Variants in GET4 observed in about 807,000 individuals in gnomAD.
GET4 encodes the protein Golgi to ER traffic protein 4 homolog.
A neutral mutation model predicts 40.0 loss-of-function variants in GET4; 20 were observed. That is an observed-to-expected ratio of 0.50 (90% CI 0.35 to 0.73). GET4 has a LOEUF of 0.73. GET4 is among the 30% of genes least tolerant of loss of function. The pLI, the probability that GET4 is intolerant of heterozygous loss-of-function variation, is 0.01. For synonymous variants in GET4, 280 were observed against 194.6 expected (o/e 1.44, Z -3.65); for missense variants, 557 against 454.0 (o/e 1.23, Z -2.06).
At position 876,727 on chromosome 7, in the gene GET4, G is replaced by A. The variant is rs749222913; in HGVS notation, c.82G>A (p.Gly28Ser). 19 of 1,379,364 alleles carry A rather than the reference G, an allele frequency of 1.4e-5. No homozygotes were observed. The highest frequency in any genetic ancestry group is 1.2e-4 in the South Asian group (8 of 68,164). The allele number at this position is 1,379,364 out of a possible 1,614,324, so 85.4% of individuals were successfully genotyped here. Residue 28 changes from glycine (G) to serine (S), a missense_variant, in exon 1 of 9, where the codon GGC (glycine) becomes AGC (serine). Physicochemically the swap from Gly to Ser is moderately conservative, Grantham distance 56 (BLOSUM62 0). Coordinates refer to ENST00000265857, the MANE Select transcript of GET4 (RefSeq NM_015949.3). ...RNRGGVQRVE[G>S]KLRASVEKGD... ...CCGCGGCGGCGTCCAGCGTGTGGAG[G>A]GCAAGCTGCGCGCCAGCGTCGAGAA... is the stretch of plus-strand genomic sequence containing the variant.
Position 876,719 on chromosome 7 carries a change from G to A in GET4, c.74G>A (p.Arg25His). 4 of 1,375,700 alleles carry A rather than the reference G, an allele frequency of 2.9e-6. No individual in the cohort carries two copies. The highest frequency in any genetic ancestry group is 3.5e-5 in the East Asian group (1 of 28,534). The allele number at this position is 1,375,700 out of a possible 1,614,324, so 85.2% of individuals were successfully genotyped here. A position where few individuals can be genotyped will look rare whatever the true frequency, so the allele number is the denominator to read the frequency against. Residue 25 changes from arginine (R) to histidine (H), a missense_variant, in exon 1 of 9, where the codon CGT becomes CAT. Physicochemically the swap from Arg to His is conservative, Grantham distance 29. Coordinates refer to ENST00000265857, the MANE Select transcript of GET4 (RefSeq NM_015949.3). ...NGGRNRGGVQ[R>H]VEGKLRASVE... ...GGCCGCAACCGCGGCGGCGTCCAGC[G>A]TGTGGAGGGCAAGCTGCGCGCCAGC...
At chr7:883,625 C>T (rs1844129050) in intron 1 of GET4, 1 of 985,472 alleles carries the variant, frequency 1.0e-6, no homozygotes, top group Non-Finnish European at 1.2e-6. Flanking sequence ...ATCTGGAAGG[C>T]ACGTCTGGGT....
At chr7:882,625 G>A (rs1052004013) in intron 1 of GET4, 7 of 152,010 alleles carry the variant, frequency 4.6e-5, no homozygotes, top group African/African-American at 1.2e-4. Context: ...GGGATGGCGC[G>A]GGTTGTGGGC....
rs767796022 is a variant in GET4, at chr7:887,352, G to A, written c.317-18G>A. The A allele has an allele frequency of 2.5e-6, 4 of 1,574,560 alleles. No individual in the cohort carries two copies. On this transcript the variant is annotated intron_variant, in intron 3 of 8. Transcript: ENST00000265857. ...AGTGGCCGTGCGTTCCTCTGATGAG[G>A]GTCTGTGCTGTTTGCAGAAAATCTG... is the stretch of plus-strand genomic sequence containing the variant.
At position 886,613 on chromosome 7, in the gene GET4, G is replaced by A. The variant is rs771017190; in HGVS notation, c.279G>A (p.Leu93=). The stretch of plus-strand genomic sequence containing the variant: ...TGTCCATGCTGGTCCTGGAGTCCCT[G>A]GAGAAGGCGGAAGTGGAGGTGGCTG... ...ADLSMLVLES[L]EKAEVEVADE... is the part of the protein sequence containing the mutation. Residue 93 remains leucine (L), a synonymous_variant, in exon 3 of 9, where the codon CTG becomes CTA. Coordinates refer to ENST00000265857, the MANE Select transcript of GET4 (RefSeq NM_015949.3). 1 of 1,613,262 alleles carries A rather than the reference G, an allele frequency of 6.2e-7. No individual in the cohort carries two copies. The highest frequency in any genetic ancestry group is 1.7e-5 in the Admixed American group (1 of 60,026).
chr7:882,902 G>C (rs1480202964), intron 1 of GET4: 4 of 149,400 alleles, frequency 2.7e-5, no homozygotes, highest in African/African-American at 9.7e-5. Flanking sequence ...ACCTGCAGCA[G>C]CTGTCCCCCT....
At chr7:894,770 C>T (rs78812951) in intron 8 of GET4, among the ~76,000 whole-genome samples, 3,062 of 152,242 alleles carry the variant, frequency 0.02, 102 homozygotes, top group East Asian at 0.14. Flanking sequence ...TCAAAGAACA[C>T]GGTGTAACGT....
chr7:877,729 G>T (rs1389525161), intron 1 of GET4, among the ~76,000 whole-genome samples: 1 of 32,376 alleles, frequency 3.1e-5, no homozygotes. Context: ...CCTGTTCTCC[G>T]GCTCCACCGC....
chr7:877,618 TC>T (rs1843989528), intron 1 of GET4, among the ~76,000 whole-genome samples: 1 of 69,874 alleles, frequency 1.4e-5, no homozygotes, highest in Non-Finnish European at 2.8e-5. Context: ...CTCCCCCACC[TC>T]TCCCGTAGTC....
intron 2 of GET4, 81 bp from the exon 3 acceptor site, chr7:886,488 C>G (rs947038543): frequency 1.9e-6 from 2 of 1,058,330 alleles, no homozygotes; most frequent in Non-Finnish European, 2.9e-6. Flanking sequence ...CTGGCTTCTG[C>G]TGGAAACCCA....
At chr7:886,306 C>G in intron 2 of GET4, 172 bp downstream of exon 2, 1 of 616,604 alleles carries the variant, frequency 1.6e-6, no homozygotes, top group Non-Finnish European at 2.9e-6. Context: ...CTGCTCCACT[C>G]TCAAGACTGG....
chr7:895,939 G>C lies in GET4; in HGVS notation c.*517G>C, dbSNP rs1225204023. ...TCAGGACGAACCGGTCCCCGTCGCA[G>C]ACGGAGTGCACGTGCCCTGCGCCAC... On this transcript the variant is annotated 3_prime_UTR_variant, in exon 9 of 9. Coordinates refer to ENST00000265857, the MANE Select transcript of GET4 (RefSeq NM_015949.3). 1 of 152,358 alleles carries C rather than the reference G, an allele frequency of 6.6e-6. No individual in the cohort carries two copies. The highest frequency in any genetic ancestry group is 6.5e-5 in the Admixed American group (1 of 15,296). 9.4% of individuals were successfully genotyped at this position (152,358 alleles called of 1,614,324 possible). A position where few individuals can be genotyped will look rare whatever the true frequency, so the allele number is the denominator to read the frequency against.
At chr7:877,037 C>A (rs1245281678) in intron 1 of GET4, among the ~76,000 whole-genome samples, 3 of 151,646 alleles carry the variant, frequency 2.0e-5, no homozygotes, top group Non-Finnish European at 1.5e-5. Flanking sequence ...GCTTCCTTCC[C>A]CTCTCCTGCG....
rs1308332771 is a variant in GET4 at position 877,353 on chromosome 7, G to T, written c.155+553G>T. On this transcript the variant is annotated intron_variant, in intron 1 of 8. Coordinates refer to ENST00000265857, the MANE Select transcript of GET4 (RefSeq NM_015949.3). ...CCCTGCCCCTCGTCTCTCTCTCGCC[G>T]TCCTCCCCCTGCCCCTCGTCTCTTT... is the stretch of plus-strand genomic sequence containing the variant. Among the ~76,000 whole-genome samples the T allele has an allele frequency of 6.3e-5, 4 of 63,562 alleles. No homozygotes were observed. The East Asian group carries it at 2.1e-3, about 33-fold the overall frequency. The allele number at this position is 63,562 out of a possible 152,430, so 41.7% of individuals were successfully genotyped here. A position where few individuals can be genotyped will look rare whatever the true frequency, so the allele number is the denominator to read the frequency against.
chr7:885,143 C>G (rs538344453), intron 1 of GET4: 2 of 152,302 alleles, frequency 1.3e-5, no homozygotes, highest in African/African-American at 4.8e-5. Context: ...AGGCTTTGTC[C>G]AAGGACATTT....
At chr7:881,209 A>G (rs1240419400) in intron 1 of GET4, 1 of 152,218 alleles carries the variant, frequency 6.6e-6, no homozygotes, top group African/African-American at 2.4e-5. Flanking sequence ...GTAATTGCAC[A>G]TTTACATTTA....
At chr7:889,674 G>T (rs1429642409) in intron 4 of GET4, among the ~76,000 whole-genome samples, 1 of 148,402 alleles carries the variant, frequency 6.7e-6, no homozygotes. Flanking sequence ...GTTAGGACGG[G>T]GTCTGGGGCG....
At chr7:877,176 C>A (rs1474451908) in intron 1 of GET4, among the ~76,000 whole-genome samples, 1 of 147,364 alleles carries the variant, frequency 6.8e-6, no homozygotes, top group Non-Finnish European at 1.5e-5. Flanking sequence ...TCTCTCCGGC[C>A]GCCTCCCCCG....
In GET4 at chr7:883,647, A is replaced by G. The variant is rs1027373597; in HGVS notation, c.156-2409A>G. ...AGGCACGTCTGGGTGTCCACATGGC[A>G]CGGCCAATAGTGCGCAGCATGCAGA... On this transcript the variant is annotated intron_variant, in intron 1 of 8. Coordinates refer to ENST00000265857, the MANE Select transcript of GET4 (RefSeq NM_015949.3). 4.1e-6 allele frequency: 4 copies of G among 985,328 alleles called. No homozygotes were observed. In the African/African-American group the frequency reaches 7.0e-5, roughly 17 times the overall value. The allele number at this position is 985,328 out of a possible 1,614,324, so 61.0% of individuals were successfully genotyped here.
Sources: gnomAD v4.1 joint callset for allele counts (sites outside exome capture counted in the v4.1 genomes callset) on GRCh38, gnomAD v4.1.1 for gene constraint, MANE v1.5 for transcripts, NCBI Gene and HGNC (gene_info 2026-07-23, HGNC 2026-07-21) for gene names.